INO80D: variants seen among roughly 807,000 people sequenced by gnomAD.
The protein encoded by INO80D is INO80 complex subunit D.
Under a neutral mutation model 87.6 loss-of-function variants are expected in INO80D, and 21 were observed. That is an observed-to-expected ratio of 0.24 (90% confidence interval 0.17 to 0.35). The LOEUF is 0.35. Ranked by LOEUF, INO80D falls within the 10% of genes least tolerant of loss-of-function variation. INO80D has a pLI of 1.00. For missense variants in INO80D, 982 were observed against 1,280.7 expected, an observed-to-expected ratio of 0.77 and a Z score of 3.56; for synonymous variants, 440 against 491.0, an observed-to-expected ratio of 0.90 and a Z score of 1.37.
chr2:206,029,937 T>C (rs1575821516), intron 5 of INO80D, among the ~76,000 whole-genome samples: 1 of 152,040 alleles, frequency 6.6e-6, no homozygotes, highest in Admixed American at 6.6e-5. Context: ...ATCAGAAAAA[T>C]CTGTGAGCAC....
chr2:206,035,288 A>G (rs1688863240), intron 5 of INO80D, among the ~76,000 whole-genome samples: 1 of 152,144 alleles, frequency 6.6e-6, no homozygotes, highest in Admixed American at 6.6e-5. Context: ...AGCCAACACA[A>G]GACTAAGCAA....
At chr2:206,018,100 T>C (rs1459600130) in intron 7 of INO80D, among the ~76,000 whole-genome samples, 1 of 152,202 alleles carries the variant, frequency 6.6e-6, no homozygotes, top group East Asian at 1.9e-4. Context: ...CATTTCCTTC[T>C]TAACATGTGA....
intron 10 of INO80D, among the ~76,000 whole-genome samples, chr2:206,006,566 C>T (rs780205446): frequency 3.4e-4 from 51 of 151,856 alleles, no homozygotes; most frequent in Middle Eastern, 3.4e-3. Flanking sequence ...ACCTGTAATC[C>T]CAGCTACTCG....
intron 5 of INO80D, among the ~76,000 whole-genome samples, chr2:206,033,772 CAA>C (rs772509004): frequency 6.6e-6 from 1 of 151,606 alleles, no homozygotes; most frequent in Non-Finnish European, 1.5e-5. Context: ...AACAAACAAA[CAA>C]AAAAATACAA....
chr2:206,014,450 C>T (rs374179623), intron 8 of INO80D, among the ~76,000 whole-genome samples: 3 of 152,138 alleles, frequency 2.0e-5, no homozygotes, highest in Admixed American at 1.3e-4. Context: ...GCAGGTCTTT[C>T]CCCTGTTGTT....
intron 5 of INO80D, among the ~76,000 whole-genome samples, chr2:206,039,826 A>T (rs1343653686): frequency 5.3e-5 from 8 of 150,582 alleles, no homozygotes; most frequent in Admixed American, 4.6e-4. Flanking sequence ...AAAAAAAAAA[A>T]AAGAAAGAAA....
Position 206,056,609 on chromosome 2 carries a change from C to G in INO80D, c.553G>C (p.Glu185Gln). ...TGCTCTTGTCGAACTTTTAAAATCT[C>G]TGTCTCTCTCTGGCGCTGCCGATTC... is the stretch of plus-strand genomic sequence containing the variant. ...AQNRQRQRETEILKVRQEHFS... is the reference protein window; with the variant it reads ...AQNRQRQRETQILKVRQEHFS... Residue 185 changes from glutamate (E) to glutamine (Q), a missense_variant, in exon 4 of 11, where the codon GAG becomes CAG. Glu to Gln is a conservative substitution (Grantham distance 29). Coordinates refer to ENST00000403263, the MANE Select transcript of INO80D (RefSeq NM_017759.5). 1.9e-6 allele frequency: 3 copies of G among 1,609,880 alleles called. No homozygotes were observed. Among genetic ancestry groups the G allele is most frequent in the Non-Finnish European group, 2.5e-6 (3 of 1,177,948 alleles).
intron 1 of INO80D, among the ~76,000 whole-genome samples, chr2:206,065,502 G>A (rs1689791615): frequency 6.6e-6 from 1 of 151,824 alleles, no homozygotes; most frequent in African/African-American, 2.4e-5. Flanking sequence ...AAAAAGATCT[G>A]AAAAGTACAG....
At chr2:206,067,246 A>G (rs77263877) in intron 1 of INO80D, among the ~76,000 whole-genome samples, 1 of 142,362 alleles carries the variant, frequency 7.0e-6, no homozygotes, top group East Asian at 2.0e-4. Flanking sequence ...AACCGTCTCC[A>G]AAAAAAAAAA....
In INO80D at chr2:205,996,319, ATG is replaced by A. The variant is rs1687806147; in HGVS notation, c.*8047_*8048del. 6.9e-6 allele frequency: 1 copy of A among 145,076 alleles called. No individual in the cohort carries two copies. Among genetic ancestry groups the A allele is most frequent in the African/African-American group, 2.5e-5 (1 of 40,224 alleles). 9.0% of individuals were successfully genotyped at this position (145,076 alleles called of 1,614,324 possible). On this transcript the variant is annotated 3_prime_UTR_variant, in exon 11 of 11. Coordinates refer to ENST00000403263, the MANE Select transcript of INO80D (RefSeq NM_017759.5). ...ATTAAGGGGGAAAAAAACCACAATGATGTGTGATTTTTTTTTTTTTTTTAAGT... is the reference window on the plus strand; with the variant it reads ...ATTAAGGGGGAAAAAAACCACAATGATGTGATTTTTTTTTTTTTTTTAAGT...
chr2:206,033,103 T>C (rs1440071131), intron 5 of INO80D, among the ~76,000 whole-genome samples: 1 of 152,092 alleles, frequency 6.6e-6, no homozygotes, highest in Admixed American at 6.5e-5. Context: ...ACCTAACATA[T>C]AAGGACTCAC....
chr2:206,005,477 A>C lies in INO80D; in HGVS notation c.1975T>G (p.Leu659Val). 6.2e-7 allele frequency: 1 copy of C among 1,613,902 alleles called. No homozygotes were observed. The stretch of plus-strand genomic sequence containing the variant: ...CACTCGAGAGAAGTTACAGCCTGCA[A>C]GGCCCGTTCAAGCTCCTCAGCCTCT... ...TEEAEELERA[L>V]QAVTSLECLS... is the part of the protein sequence containing the mutation. Residue 659 changes from leucine (L) to valine (V), a missense_variant, in exon 11 of 11, where the codon TTG (leucine) becomes GTG (valine). Physicochemically the swap from Leu to Val is conservative, Grantham distance 32. Transcript: ENST00000403263.
intron 1 of INO80D, chr2:206,063,794 C>G (rs1289221983): frequency 6.6e-6 from 1 of 152,208 alleles, no homozygotes; most frequent in Non-Finnish European, 1.5e-5. Flanking sequence ...CAGCAAAACT[C>G]TTCCACCAAA....
chr2:206,041,879 G>A lies in INO80D; in HGVS notation c.1073+4625C>T, dbSNP rs111883743. 6.2e-3 allele frequency among the ~76,000 whole-genome samples: 946 copies of A among 152,296 alleles called. 10 individuals carry two copies. Among genetic ancestry groups the A allele is most frequent in the African/African-American group, 0.022 (907 of 41,576 alleles). ...AAAGTATTTTGGGGCTGGGCATGGT[G>A]GCTCATGTCTGTAATCATAGCACTT... On this transcript the variant is annotated intron_variant, in intron 5 of 10. Coordinates refer to ENST00000403263, the MANE Select transcript of INO80D (RefSeq NM_017759.5).
intron 4 of INO80D, among the ~76,000 whole-genome samples, chr2:206,054,996 G>A (rs1172499999): frequency 2.0e-5 from 3 of 152,168 alleles, no homozygotes; most frequent in African/African-American, 7.2e-5. Context: ...CACCAGCAAT[G>A]TATGAGATAC....
rs1689199329 is a variant in INO80D, at chr2:206,046,525, G to T, written c.1052C>A (p.Thr351Asn). The change falls in exon 5 of 11, where the codon ACC becomes AAC. Residue 351 changes from threonine to asparagine, a missense_variant. Thr to Asn is a moderately conservative substitution (Grantham distance 65). Coordinates refer to ENST00000403263, the MANE Select transcript of INO80D (RefSeq NM_017759.5). The stretch of plus-strand genomic sequence containing the variant: ...TTACGCATGTCTTTGATATCTGAGG[G>T]TTTCCCGGATGGACCATGCAACCTG... ...PYQVAWSIRETLRYQRHASDD... is the reference protein window; with the variant it reads ...PYQVAWSIRENLRYQRHASDD... 2 of 1,611,390 alleles carry T rather than the reference G, an allele frequency of 1.2e-6. No homozygotes were observed. Among genetic ancestry groups the T allele is most frequent in the Non-Finnish European group, 8.5e-7 (1 of 1,177,552 alleles).
chr2:206,046,537 G>T lies in INO80D; in HGVS notation c.1040C>A (p.Ser347Tyr). ...EQASPYQVAW[S>Y]IRETLRYQRH... Reference sequence around the variant, plus strand: ...TTGATATCTGAGGGTTTCCCGGATGGACCATGCAACCTGGTAGGGCGAGGC... The same window carrying T: ...TTGATATCTGAGGGTTTCCCGGATGTACCATGCAACCTGGTAGGGCGAGGC... The change falls in exon 5 of 11, where the codon TCC becomes TAC. Residue 347 changes from serine (S) to tyrosine (Y), a missense_variant. Physicochemically the swap from Ser to Tyr is moderately radical, Grantham distance 144. Transcript: ENST00000403263. 6.2e-7 allele frequency: 1 copy of T among 1,612,850 alleles called. No individual in the cohort carries two copies. Among genetic ancestry groups the T allele is most frequent in the Non-Finnish European group, 8.5e-7 (1 of 1,178,876 alleles).
At chr2:206,028,432 G>A (rs997065451) in intron 5 of INO80D, 97 bp from the exon 6 acceptor site, 7 of 954,436 alleles carry the variant, frequency 7.3e-6, no homozygotes, top group African/African-American at 6.6e-5. Context: ...GAATGCACAG[G>A]TTTAAAACTT....
intron 5 of INO80D, among the ~76,000 whole-genome samples, chr2:206,034,137 A>G (rs920142685): frequency 6.6e-6 from 1 of 152,186 alleles, no homozygotes; most frequent in Admixed American, 6.5e-5. Flanking sequence ...GTCCAGGATC[A>G]GACTTATTCA....
Sources: gnomAD v4.1 joint callset for allele counts (sites outside exome capture counted in the v4.1 genomes callset) on GRCh38, gnomAD v4.1.1 for gene constraint, MANE v1.5 for transcripts, NCBI Gene and HGNC (gene_info 2026-07-23, HGNC 2026-07-21) for gene names.